PRDM14: variants seen among roughly 807,000 people sequenced by gnomAD.
PRDM14 encodes PR domain zinc finger protein 14.
In PRDM14, 16 loss-of-function variants were observed where a neutral mutation model predicts 48.0. That is an observed-to-expected ratio of 0.33 (90% CI 0.23 to 0.51). The LOEUF is 0.51. Among genes scored for constraint, PRDM14 ranks in the 20% least tolerant of loss-of-function variants. PRDM14 has a pLI of 0.97. For missense variants in PRDM14, 566 were observed against 719.6 expected, an observed-to-expected ratio of 0.79 and a Z score of 2.44; for synonymous variants, 264 against 276.6, an observed-to-expected ratio of 0.95 and a Z score of 0.45.
At chr8:70,064,127 A>G (rs1033048214) in intron 5 of PRDM14, among the ~76,000 whole-genome samples, 1 of 152,066 alleles carries the variant, frequency 6.6e-6, no homozygotes, top group African/African-American at 2.4e-5. Flanking sequence ...TGGACATAAG[A>G]TACCTGGGGG....
chr8:70,060,170 G>T (rs1166345652), intron 5 of PRDM14, among the ~76,000 whole-genome samples: 2 of 151,058 alleles, frequency 1.3e-5, no homozygotes, highest in Admixed American at 1.3e-4. Flanking sequence ...GGAAGCTGAA[G>T]TGGACAGATC....
At chr8:70,056,816 C>CA (rs761330044) in intron 6 of PRDM14, among the ~76,000 whole-genome samples, 31,858 of 75,046 alleles carry the variant, frequency 0.42, 6,856 homozygotes, top group Middle Eastern at 0.55. Context: ...GAGACTGTCT[C>CA]AAAAAAAAAA....
At chr8:70,053,238 C>A (rs2131033610) in intron 7 of PRDM14, among the ~76,000 whole-genome samples, 1 of 152,048 alleles carries the variant, frequency 6.6e-6, no homozygotes. Context: ...TACTTCAAGA[C>A]AAACCTCATT....
intron 6 of PRDM14, among the ~76,000 whole-genome samples, chr8:70,057,724 C>G (rs781558340): frequency 1.3e-5 from 2 of 152,088 alleles, no homozygotes; most frequent in Non-Finnish European, 2.9e-5. Context: ...TTCACTTTTG[C>G]CAGTCTAATA....
chr8:70,066,527 G>T, intron 4 of PRDM14, 22 bp from the exon 5 acceptor site: 1 of 1,590,808 alleles, frequency 6.3e-7, no homozygotes. Context: ...AAGACATGAA[G>T]TTTGTATTGT....
chr8:70,067,762 C>T (rs1253311151), intron 4 of PRDM14, among the ~76,000 whole-genome samples: 1 of 151,872 alleles, frequency 6.6e-6, no homozygotes, highest in Non-Finnish European at 1.5e-5. Flanking sequence ...AGGTAATAAA[C>T]TGCAGTCCCA....
chr8:70,055,557 CTG>C (rs1805459360), intron 6 of PRDM14, among the ~76,000 whole-genome samples, 156 bp from the exon 7 acceptor site: 1 of 150,446 alleles, frequency 6.6e-6, no homozygotes, highest in East Asian at 2.0e-4. Flanking sequence ...CCAGACTGGA[CTG>C]CAGTGGCACA....
chr8:70,051,746 C>A lies in PRDM14; in HGVS notation c.*331G>T. 1 of 171,284 alleles carries A rather than the reference C, an allele frequency of 5.8e-6. No homozygotes were observed. 10.6% of individuals were successfully genotyped at this position (171,284 alleles called of 1,614,324 possible). ...GAATCTCTTGTTTTTACATTGTCTC[C>A]ACACTCTTGAGGGCTACTCATTTTT... is the stretch of plus-strand genomic sequence containing the variant. On this transcript the variant is annotated 3_prime_UTR_variant, in exon 8 of 8. Transcript: ENST00000276594.
chr8:70,060,406 A>G (rs886289380), intron 5 of PRDM14, among the ~76,000 whole-genome samples: 4 of 135,656 alleles, frequency 2.9e-5, no homozygotes, highest in Non-Finnish European at 4.6e-5. Context: ...CTCGAAAAAA[A>G]AAAAAAAACA....
chr8:70,053,313 C>T (rs1805419713), intron 7 of PRDM14, among the ~76,000 whole-genome samples: 2 of 139,286 alleles, frequency 1.4e-5, no homozygotes, highest in Non-Finnish European at 3.1e-5. Flanking sequence ...TAAGTCAGTG[C>T]CTTACTGGTT....
rs533798175 is a variant in PRDM14, at chr8:70,063,740, C to T, written c.1183+2495G>A. ...GTTTCACCATGTTGGCCAGGCTGGTCGTGAACTCCTGACCTCAGGTGACCC... is the reference window on the plus strand; with the variant it reads ...GTTTCACCATGTTGGCCAGGCTGGTTGTGAACTCCTGACCTCAGGTGACCC... On this transcript the variant is annotated intron_variant, in intron 5 of 7. Transcript: ENST00000276594. 1.6e-3 allele frequency among the ~76,000 whole-genome samples: 244 copies of T among 152,234 alleles called. 1 individual carries two copies. The highest frequency in any genetic ancestry group is 5.7e-3 in the African/African-American group (237 of 41,548).
At chr8:70,064,422 GC>G (rs1433207496) in intron 5 of PRDM14, among the ~76,000 whole-genome samples, 2 of 151,564 alleles carry the variant, frequency 1.3e-5, no homozygotes, top group Non-Finnish European at 2.9e-5. Flanking sequence ...CAGTCAGTAC[GC>G]ACTGGGATCC....
chr8:70,064,610 C>T (rs1485450242), intron 5 of PRDM14, among the ~76,000 whole-genome samples: 1 of 151,130 alleles, frequency 6.6e-6, no homozygotes, highest in Non-Finnish European at 1.5e-5. Context: ...CTGCAAGCTC[C>T]CCCTGCTGGG....
At position 70,060,324 on chromosome 8, in the gene PRDM14, AG is replaced by A. The variant is rs1341430713; in HGVS notation, c.1184-1483del. ...TGGGAGGATCACCTGAGCCTGGGGA[AG>A]TTAGTTGAGGCTGCAATGAGCAGTG... On this transcript the variant is annotated intron_variant, in intron 5 of 7. Transcript: ENST00000276594. 2.0e-5 allele frequency among the ~76,000 whole-genome samples: 3 copies of A among 147,848 alleles called. No homozygotes were observed. The South Asian group carries it at 6.8e-4, about 34-fold the overall frequency.
intron 2 of PRDM14, 147 bp from the exon 3 acceptor site, chr8:70,068,679 A>G (rs1805711647): frequency 1.4e-6 from 1 of 715,018 alleles, no homozygotes. Flanking sequence ...TGCTCATTTT[A>G]CATGGTCTGT....
intron 6 of PRDM14, among the ~76,000 whole-genome samples, chr8:70,056,316 G>A (rs1805471266): frequency 1.3e-5 from 2 of 152,110 alleles, no homozygotes. Context: ...GTTTGCCAGG[G>A]ATAAAGCAGA....
chr8:70,067,531 CA>C (rs751731521), intron 4 of PRDM14, among the ~76,000 whole-genome samples: 5,157 of 129,984 alleles, frequency 0.04, 104 homozygotes, highest in Middle Eastern at 0.071. Flanking sequence ...AAAAAAAAAA[CA>C]AAAAAAAAAA....
rs1563442064 is a variant in PRDM14 at position 70,066,237 on chromosome 8, T to G, written c.1181A>C (p.Glu394Ala). ...EPGKQPSGPSEESAEGYRCER... is the reference protein window; with the variant it reads ...EPGKQPSGPSAESAEGYRCER... ...GCAAGGCGAGGGTGTGCACTCACCT[T>G]CAGAGGGCCCAGATGGCTGCTTCCC... is the stretch of plus-strand genomic sequence containing the variant. The change falls in exon 5 of 8, where the codon GAA (glutamate) becomes GCA (alanine). Residue 394 changes from glutamate to alanine, a missense_variant and splice_region_variant. Around this residue, in one of 3 missense-constraint regions of PRDM14, gnomAD observed 126 missense variants for 271.6 expected, o/e 0.46. Coordinates refer to ENST00000276594, the MANE Select transcript of PRDM14 (RefSeq NM_024504.4). 1 of 1,613,092 alleles carries G rather than the reference T, an allele frequency of 6.2e-7. No individual in the cohort carries two copies. The highest frequency in any genetic ancestry group is 1.1e-5 in the South Asian group (1 of 91,016).
At position 70,069,425 on chromosome 8, in the gene PRDM14, G is replaced by A; in HGVS notation, c.436C>T (p.Pro146Ser). ...GDNESGPCCG[P>S]DTLIPPPPAD... is the part of the protein sequence containing the mutation. ...GGGGGCGGTGGAATTAAAGTGTCAGGTCCACAACACGGGCCACTCTCGTTG... is the reference window on the plus strand; with the variant it reads ...GGGGGCGGTGGAATTAAAGTGTCAGATCCACAACACGGGCCACTCTCGTTG... Residue 146 changes from proline (P) to serine (S), a missense_variant, in exon 2 of 8, where the codon CCT becomes TCT. This residue lies in a region of PRDM14 where 410 missense variants were observed against 424.6 expected (regional missense o/e 0.97). Coordinates refer to ENST00000276594, the MANE Select transcript of PRDM14 (RefSeq NM_024504.4). The A allele has an allele frequency of 6.3e-7, 1 of 1,597,978 alleles. No homozygotes were observed. The highest frequency in any genetic ancestry group is 8.5e-7 in the Non-Finnish European group (1 of 1,171,214).
Sources: allele counts gnomAD v4.1 joint callset (sites outside exome capture counted in the v4.1 genomes callset), GRCh38; gene constraint gnomAD v4.1.1; regional missense constraint gnomAD v4.1.1; transcripts MANE v1.5; gene names NCBI Gene and HGNC (gene_info 2026-07-23, HGNC 2026-07-21).